Variants in POFUT3 observed in about 807,000 individuals in gnomAD.
POFUT3 encodes the protein GDP-fucose protein O-fucosyltransferase 3.
chr8:33,312,589 C>G, the POFUT3 span, among the ~76,000 whole-genome samples: 2 of 152,072 alleles, frequency 1.3e-5, no homozygotes, highest in Non-Finnish European at 2.9e-5. Context: ...TCTCTCCCAG[C>G]ACCAAAGACC....
chr8:33,380,087 CTA>C, the POFUT3 span, among the ~76,000 whole-genome samples: 1 of 52,988 alleles, frequency 1.9e-5, no homozygotes, highest in Non-Finnish European at 3.0e-5. Context: ...ACTATATATA[CTA>C]TATATATACA....
chr8:33,390,089 G>T, the POFUT3 span, among the ~76,000 whole-genome samples: 1 of 152,136 alleles, frequency 6.6e-6, no homozygotes, highest in African/African-American at 2.4e-5. Context: ...CCAGCTACCT[G>T]GGAAGCTGAG....
At chr8:33,318,515 T>A in the POFUT3 span, among the ~76,000 whole-genome samples, 1 of 125,546 alleles carries the variant, frequency 8.0e-6, no homozygotes, top group African/African-American at 3.0e-5. Context: ...TAATATATTA[T>A]GATTATAATA....
the POFUT3 span, among the ~76,000 whole-genome samples, chr8:33,380,766 G>T: frequency 1.3e-5 from 2 of 150,598 alleles, no homozygotes; most frequent in Admixed American, 6.7e-5. Flanking sequence ...GAGTCCAGCA[G>T]TTCAAGACTG....
the POFUT3 span, among the ~76,000 whole-genome samples, chr8:33,348,982 C>G: frequency 1.3e-5 from 2 of 152,126 alleles, no homozygotes; most frequent in Non-Finnish European, 2.9e-5. Context: ...AAGGTTACAC[C>G]ACATAAATAC....
At chr8:33,320,055 G>C in the POFUT3 span, among the ~76,000 whole-genome samples, 1 of 151,650 alleles carries the variant, frequency 6.6e-6, no homozygotes. Context: ...TGCCTAGAAA[G>C]ACTATATTAA....
the POFUT3 span, among the ~76,000 whole-genome samples, chr8:33,442,095 G>A: frequency 1.5e-4 from 23 of 151,586 alleles, no homozygotes; most frequent in South Asian, 6.3e-4. Flanking sequence ...GATTACAGGC[G>A]CATGCCACCA....
At chr8:33,353,024 A>G in the POFUT3 span, among the ~76,000 whole-genome samples, 2 of 152,218 alleles carry the variant, frequency 1.3e-5, no homozygotes, top group African/African-American at 2.4e-5. Flanking sequence ...CAGCATGCCC[A>G]TAAGAGGAGA....
the POFUT3 span, among the ~76,000 whole-genome samples, chr8:33,329,867 G>T: frequency 6.6e-6 from 1 of 152,062 alleles, no homozygotes; most frequent in East Asian, 1.9e-4. Flanking sequence ...TAACCTAATG[G>T]ATAATAAAAC....
the POFUT3 span, among the ~76,000 whole-genome samples, chr8:33,383,006 GGA>G: frequency 6.6e-6 from 1 of 152,202 alleles, no homozygotes; most frequent in African/African-American, 2.4e-5. Context: ...AGGACCAGTG[GGA>G]CAAATTTTGG....
the POFUT3 span, among the ~76,000 whole-genome samples, chr8:33,316,639 G>A: frequency 6.6e-6 from 1 of 151,914 alleles, no homozygotes; most frequent in Non-Finnish European, 1.5e-5. Flanking sequence ...CTACTTAGGA[G>A]GCTGAGGCAG....
chr8:33,379,151 A>G, the POFUT3 span, among the ~76,000 whole-genome samples: 1 of 151,936 alleles, frequency 6.6e-6, no homozygotes. Flanking sequence ...GCTTTTCGCC[A>G]TGATTGTAAG....
At chr8:33,446,814 T>A in the POFUT3 span, among the ~76,000 whole-genome samples, 2 of 152,176 alleles carry the variant, frequency 1.3e-5, no homozygotes, top group African/African-American at 4.8e-5. Context: ...GTTTTACTGA[T>A]TCTTTGTGAA....
the POFUT3 span, among the ~76,000 whole-genome samples, chr8:33,469,803 C>CTTTTT: frequency 1.7e-4 from 18 of 108,774 alleles, no homozygotes; most frequent in Admixed American, 4.9e-4. Context: ...TTTACTTTTT[C>CTTTTT]TTTTTTTTTT....
chr8:33,443,173 C>G, the POFUT3 span, among the ~76,000 whole-genome samples: 2 of 152,190 alleles, frequency 1.3e-5, no homozygotes, highest in Non-Finnish European at 2.9e-5. Context: ...CAAAAGTTAT[C>G]TTGTAAAACA....
chr8:33,436,362 T>A, the POFUT3 span: 1 of 1,367,052 alleles, frequency 7.3e-7, no homozygotes, highest in Non-Finnish European at 1.0e-6. Flanking sequence ...GAAGGCATCA[T>A]CTTTCATGAT....
chr8:33,334,775 T>A, the POFUT3 span, among the ~76,000 whole-genome samples: 33 of 152,312 alleles, frequency 2.2e-4, no homozygotes, highest in East Asian at 5.6e-3. Context: ...GTCAGATAAC[T>A]TGGATGTGGC....
the POFUT3 span, among the ~76,000 whole-genome samples, chr8:33,354,480 T>C: frequency 6.6e-6 from 1 of 152,196 alleles, no homozygotes; most frequent in South Asian, 2.1e-4. Flanking sequence ...AGGCAGAAGA[T>C]GGATGTTCCA....
At chr8:33,327,148 A>T in the POFUT3 span, among the ~76,000 whole-genome samples, 1 of 152,122 alleles carries the variant, frequency 6.6e-6, no homozygotes, top group South Asian at 2.1e-4. Flanking sequence ...GGGAGCCTGC[A>T]CTGCTCTGGT....
Sources: allele counts gnomAD v4.1 joint callset (sites outside exome capture counted in the v4.1 genomes callset), GRCh38; gene constraint gnomAD v4.1.1; transcripts MANE v1.5; gene names NCBI Gene and HGNC (gene_info 2026-07-23, HGNC 2026-07-21).